Variants in RGS7 observed in about 807,000 individuals in gnomAD.
RGS7 encodes regulator of G protein signaling 7.
RGS7 carries 27 observed loss-of-function variants against 81.1 expected under a neutral mutation model. The ratio of observed to expected loss-of-function variants is 0.33; its 90% CI spans 0.25 to 0.46. RGS7 has a LOEUF of 0.46. Among genes scored for constraint, RGS7 ranks in the 20% least tolerant of loss-of-function variants. The pLI is 1.00. For synonymous variants in RGS7, 208 were observed against 207.7 expected (o/e 1.00, Z -0.01); for missense variants, 396 against 607.4 (o/e 0.65, Z 3.66).
At chr1:241,232,634 C>T (rs1182043198) in intron 2 of RGS7, among the ~76,000 whole-genome samples, 1 of 150,778 alleles carries the variant, frequency 6.6e-6, no homozygotes, top group East Asian at 2.0e-4. Flanking sequence ...AGGTCATTTC[C>T]ATTTCCATAT....
intron 2 of RGS7, among the ~76,000 whole-genome samples, chr1:241,334,502 A>G (rs115739271): frequency 8.9e-4 from 135 of 152,292 alleles, no homozygotes; most frequent in Admixed American, 3.3e-3. Flanking sequence ...TCCACCTCTC[A>G]GAAGAGGAAA....
chr1:241,202,053 C>T (rs1181072875), intron 2 of RGS7, among the ~76,000 whole-genome samples: 1 of 146,526 alleles, frequency 6.8e-6, no homozygotes, highest in Non-Finnish European at 1.5e-5. Flanking sequence ...CACACAGAGA[C>T]ACCCTAATTG....
Position 240,868,134 on chromosome 1 carries a change from G to GAAAGAAAGAAAC in RGS7, c.609+452_609+453insGTTTCTTTCTTT, listed in dbSNP as rs1663753658. On this transcript the variant is annotated intron_variant, in intron 9 of 18. Coordinates refer to ENST00000440928, the MANE Select transcript of RGS7 (RefSeq NM_001364886.1). This position sits in a 1 kb window ranked among gnomAD's most constrained non-coding sequence, Gnocchi z 5.1. ...AAAGAAAAGGAAAGAAAGAAAGAAA[G>GAAAGAAAGAAAC]AAAGAAAGAAAGAAAGAAAGAAAGG... Among the ~76,000 whole-genome samples the GAAAGAAAGAAAC allele has an allele frequency of 8.5e-6, 1 of 117,168 alleles. No individual in the cohort carries two copies. Among genetic ancestry groups the GAAAGAAAGAAAC allele is most frequent in the Non-Finnish European group, 1.6e-5 (1 of 60,934 alleles). 76.9% of individuals were successfully genotyped at this position (117,168 alleles called of 152,430 possible).
chr1:240,829,559 G>A (rs1412664421), intron 9 of RGS7, among the ~76,000 whole-genome samples: 3 of 152,148 alleles, frequency 2.0e-5, no homozygotes, highest in Admixed American at 6.5e-5. Flanking sequence ...CTATTTCTTT[G>A]CAGCCTTCCA....
chr1:240,877,640 T>A (rs1410349807), intron 6 of RGS7, among the ~76,000 whole-genome samples: 1 of 152,208 alleles, frequency 6.6e-6, no homozygotes, highest in Non-Finnish European at 1.5e-5. Context: ...TAATTTATTT[T>A]AATGAGTTCT....
At chr1:241,189,165 T>G (rs1372104035) in intron 2 of RGS7, among the ~76,000 whole-genome samples, 1 of 152,200 alleles carries the variant, frequency 6.6e-6, no homozygotes, top group East Asian at 1.9e-4. Context: ...TTTATTTTTT[T>G]GTACAGACAA....
intron 2 of RGS7, among the ~76,000 whole-genome samples, chr1:241,199,926 T>C (rs1056674133): frequency 1.3e-5 from 2 of 152,204 alleles, no homozygotes; most frequent in African/African-American, 4.8e-5. Flanking sequence ...ATATAGCATG[T>C]CTAGCATTTA....
intron 2 of RGS7, among the ~76,000 whole-genome samples, chr1:241,159,442 T>C (rs1477039236): frequency 1.3e-5 from 2 of 152,118 alleles, no homozygotes; most frequent in Non-Finnish European, 2.9e-5. Context: ...TAGAACAACC[T>C]AAATGTAGGA....
chr1:241,328,476 C>A (rs544479180), intron 2 of RGS7, among the ~76,000 whole-genome samples: 1 of 152,212 alleles, frequency 6.6e-6, no homozygotes, highest in African/African-American at 2.4e-5. Flanking sequence ...CATATCTGTC[C>A]TAGTGGACTG....
chr1:240,867,663 T>C (rs1297976498), intron 9 of RGS7, among the ~76,000 whole-genome samples: 1 of 152,136 alleles, frequency 6.6e-6, no homozygotes, highest in African/African-American at 2.4e-5. Flanking sequence ...GAAATGAAAG[T>C]CTGTGAAAGT....
At chr1:240,880,281 G>A (rs920823911) in intron 6 of RGS7, among the ~76,000 whole-genome samples, 2 of 152,224 alleles carry the variant, frequency 1.3e-5, no homozygotes, top group South Asian at 2.1e-4. Flanking sequence ...GGCTCCAGCA[G>A]TTCTCCCGCT....
At chr1:241,210,879 T>C (rs190021023) in intron 2 of RGS7, among the ~76,000 whole-genome samples, 1 of 152,212 alleles carries the variant, frequency 6.6e-6, no homozygotes, top group African/African-American at 2.4e-5. Flanking sequence ...GCAGACACTA[T>C]TTTGGTAATA....
chr1:241,183,037 G>C (rs2071775458), intron 2 of RGS7, among the ~76,000 whole-genome samples: 1 of 151,576 alleles, frequency 6.6e-6, no homozygotes, highest in Non-Finnish European at 1.5e-5. Flanking sequence ...AATCCTCTGG[G>C]TCCTGCTGTG....
intron 3 of RGS7, among the ~76,000 whole-genome samples, chr1:241,013,898 C>A (rs1297910718): frequency 6.6e-6 from 1 of 152,146 alleles, no homozygotes; most frequent in Admixed American, 6.6e-5. Flanking sequence ...ATGTCGCTCC[C>A]AAGAGTCAGC....
intron 2 of RGS7, among the ~76,000 whole-genome samples, chr1:241,142,106 C>G (rs1038896302): frequency 6.6e-6 from 1 of 152,222 alleles, no homozygotes; most frequent in African/African-American, 2.4e-5. Flanking sequence ...CATGCTGATG[C>G]AAGACGTGGG....
chr1:240,936,210 T>C (rs1342642386), intron 5 of RGS7, among the ~76,000 whole-genome samples: 2 of 152,184 alleles, frequency 1.3e-5, no homozygotes, highest in Non-Finnish European at 2.9e-5. Flanking sequence ...ATTAGCTGAA[T>C]CCTATCTGGA....
chr1:241,268,598 T>A (rs2077715133), intron 2 of RGS7, among the ~76,000 whole-genome samples: 3 of 152,154 alleles, frequency 2.0e-5, no homozygotes, highest in Admixed American at 2.0e-4. Context: ...TGTGGTTTCC[T>A]GAAGCTAGGA....
At chr1:240,783,682 A>G (rs1157665749) in intron 18 of RGS7, among the ~76,000 whole-genome samples, 1 of 151,992 alleles carries the variant, frequency 6.6e-6, no homozygotes, top group Non-Finnish European at 1.5e-5. Flanking sequence ...GTAATAACAG[A>G]AAGTTGATGG....
At chr1:241,153,131 G>A (rs1025687747) in intron 2 of RGS7, among the ~76,000 whole-genome samples, 2 of 152,230 alleles carry the variant, frequency 1.3e-5, no homozygotes, top group Non-Finnish European at 2.9e-5. Context: ...AATAGTCATT[G>A]TTGATTTGCA....
Sources: gnomAD v4.1 joint callset for allele counts (sites outside exome capture counted in the v4.1 genomes callset) on GRCh38, gnomAD v4.1.1 for gene constraint, Gnocchi (gnomAD v3.1) non-coding constraint, MANE v1.5 for transcripts, NCBI Gene and HGNC (gene_info 2026-07-23, HGNC 2026-07-21) for gene names.